Variants in DTWD2 observed in about 807,000 individuals in gnomAD.
DTWD2 encodes the protein DTW motif tRNA-uridine aminocarboxypropyltransferase 2, also known as tRNA-uridine aminocarboxypropyltransferase 2.
A neutral mutation model predicts 31.8 loss-of-function variants in DTWD2; 39 were observed. The observed-to-expected ratio is 1.22, with a 90% CI of 0.95 to 1.60. The LOEUF (loss-of-function observed/expected upper bound fraction) is 1.60. DTWD2 is among the 40% of genes most tolerant of loss of function. DTWD2 has a pLI of 0.00. For synonymous variants in DTWD2, 180 were observed against 142.8 expected, an observed-to-expected ratio of 1.26 and a Z score of -1.86; for missense variants, 515 against 381.5, an observed-to-expected ratio of 1.35 and a Z score of -2.92.
chr5:118,928,535 A>G lies in DTWD2; in HGVS notation c.597+2T>C. On this transcript the variant is annotated splice_donor_variant, in intron 4 of 5. Coordinates refer to ENST00000510708, the MANE Select transcript of DTWD2 (RefSeq NM_173666.4). LOFTEE classifies it high-confidence loss of function. Reference sequence around the variant, plus strand: ...TATTCTCTGTTAAAATTACTAGTTTACCTGTTTGGGATGTCGGAACAAGGA... The same window carrying G: ...TATTCTCTGTTAAAATTACTAGTTTGCCTGTTTGGGATGTCGGAACAAGGA... 1 of 1,488,812 alleles carries G rather than the reference A, an allele frequency of 6.7e-7. No homozygotes were observed. The highest frequency in any genetic ancestry group is 8.9e-7 in the Non-Finnish European group (1 of 1,121,974). 92.2% of individuals were successfully genotyped at this position (1,488,812 alleles called of 1,614,324 possible).
intron 4 of DTWD2, among the ~76,000 whole-genome samples, chr5:118,912,617 T>C (rs1401073616): frequency 1.3e-5 from 2 of 151,724 alleles, no homozygotes; most frequent in African/African-American, 4.9e-5. Flanking sequence ...TTCTGCCTCA[T>C]CTTTCAAGAC....
intron 4 of DTWD2, among the ~76,000 whole-genome samples, chr5:118,911,703 C>A (rs757741983): frequency 5.9e-5 from 9 of 152,132 alleles, no homozygotes; most frequent in Non-Finnish European, 1.2e-4. Context: ...TAATATTATT[C>A]AGCCTTAAAA....
intron 4 of DTWD2, among the ~76,000 whole-genome samples, chr5:118,868,814 A>C (rs182879311): frequency 1.0e-3 from 149 of 148,840 alleles, no homozygotes; most frequent in Middle Eastern, 3.4e-3. Context: ...TCCAGCCTGA[A>C]TGAGAGATCA....
rs145077187 is a variant in DTWD2, at chr5:118,840,581, G to A, written c.*336C>T. On this transcript the variant is annotated 3_prime_UTR_variant, in exon 6 of 6. Transcript: ENST00000510708. Reference sequence around the variant, plus strand: ...TATAAACATTAATGGACACAACACCGTTCCAATCCACTACAACAATTTTCT... The same window carrying A: ...TATAAACATTAATGGACACAACACCATTCCAATCCACTACAACAATTTTCT... The A allele has an allele frequency of 5.6e-5, 10 of 178,854 alleles. No homozygotes were observed. The highest frequency in any genetic ancestry group is 2.1e-4 in the African/African-American group (9 of 41,898). 11.1% of individuals were successfully genotyped at this position (178,854 alleles called of 1,614,324 possible).
At chr5:118,967,665 C>T (rs1003720753) in intron 1 of DTWD2, among the ~76,000 whole-genome samples, 2 of 151,986 alleles carry the variant, frequency 1.3e-5, no homozygotes, top group African/African-American at 4.8e-5. Flanking sequence ...AATAAATATC[C>T]ATAATTCCAT....
intron 3 of DTWD2, among the ~76,000 whole-genome samples, chr5:118,936,675 G>A (rs1460117791): frequency 6.6e-6 from 1 of 150,810 alleles, no homozygotes; most frequent in Non-Finnish European, 1.5e-5. Flanking sequence ...TTATATGAAT[G>A]AACAAAAAGT....
chr5:118,882,827 T>C (rs375828765), intron 4 of DTWD2, among the ~76,000 whole-genome samples: 8 of 152,194 alleles, frequency 5.3e-5, no homozygotes, highest in Admixed American at 4.6e-4. Context: ...AAACCATTCA[T>C]AGGAAAGTCT....
chr5:118,858,992 A>C (rs1404963240), intron 4 of DTWD2, among the ~76,000 whole-genome samples: 10 of 152,186 alleles, frequency 6.6e-5, no homozygotes, highest in Admixed American at 6.5e-4. Context: ...TGAAGTACAT[A>C]ATGTCTGGTC....
At chr5:118,939,147 A>G in intron 3 of DTWD2, 49 bp downstream of exon 3, 1 of 1,515,488 alleles carries the variant, frequency 6.6e-7, no homozygotes, top group Non-Finnish European at 8.9e-7. Context: ...CCATTTTTTA[A>G]GATCTGTGTA....
chr5:118,933,362 G>T (rs1282995212), intron 3 of DTWD2, among the ~76,000 whole-genome samples: 1 of 152,034 alleles, frequency 6.6e-6, no homozygotes, highest in African/African-American at 2.4e-5. Context: ...GGCATTACAA[G>T]AAAGGAAAAC....
intron 4 of DTWD2, among the ~76,000 whole-genome samples, chr5:118,904,740 T>C (rs1046221864): frequency 1.3e-5 from 2 of 152,100 alleles, no homozygotes; most frequent in East Asian, 3.8e-4. Context: ...TGATAACATG[T>C]GGAGAAAGAA....
At chr5:118,987,111 A>G (rs1755445251) in intron 1 of DTWD2, among the ~76,000 whole-genome samples, 1 of 152,300 alleles carries the variant, frequency 6.6e-6, no homozygotes, top group South Asian at 2.1e-4. Context: ...CCTTTGATTT[A>G]TATTTGAAAC....
chr5:118,875,143 T>G (rs1226587116), intron 4 of DTWD2, among the ~76,000 whole-genome samples: 2 of 152,156 alleles, frequency 1.3e-5, no homozygotes, highest in Non-Finnish European at 2.9e-5. Context: ...AAGATCATTT[T>G]CAAACAAGCA....
chr5:118,854,713 T>G (rs764949221), intron 4 of DTWD2, among the ~76,000 whole-genome samples: 2 of 152,140 alleles, frequency 1.3e-5, no homozygotes, highest in African/African-American at 2.4e-5. Context: ...ATCTTCAAGG[T>G]AGTCAACTCA....
chr5:118,920,009 A>T (rs1753665523), intron 4 of DTWD2, among the ~76,000 whole-genome samples: 1 of 151,986 alleles, frequency 6.6e-6, no homozygotes, highest in African/African-American at 2.4e-5. Flanking sequence ...ATAAAAATAA[A>T]AAAAAAAAGT....
At chr5:118,964,926 C>A (rs1359820389) in intron 1 of DTWD2, among the ~76,000 whole-genome samples, 1 of 152,068 alleles carries the variant, frequency 6.6e-6, no homozygotes, top group Non-Finnish European at 1.5e-5. Flanking sequence ...AGGAGCCCCT[C>A]TGCCCGGCTG....
intron 1 of DTWD2, among the ~76,000 whole-genome samples, chr5:118,973,620 CGG>C (rs1448235382): frequency 8.4e-5 from 2 of 23,678 alleles, no homozygotes; most frequent in African/African-American, 1.9e-4. Flanking sequence ...TCCTTGCTCG[CGG>C]CAGCCTCCTT....
At chr5:118,850,271 A>G (rs1239171925) in intron 4 of DTWD2, among the ~76,000 whole-genome samples, 2 of 144,286 alleles carry the variant, frequency 1.4e-5, no homozygotes, top group African/African-American at 5.1e-5. Context: ...TGAGACCAGC[A>G]TGGCTCACAT....
intron 1 of DTWD2, among the ~76,000 whole-genome samples, chr5:118,960,931 A>C (rs1754691568): frequency 6.6e-6 from 1 of 152,176 alleles, no homozygotes; most frequent in African/African-American, 2.4e-5. Context: ...TTGAGGGTGG[A>C]GGGTGGGAAG....
Sources: allele counts gnomAD v4.1 joint callset (sites outside exome capture counted in the v4.1 genomes callset), GRCh38; gene constraint gnomAD v4.1.1; transcripts MANE v1.5; gene names NCBI Gene and HGNC (gene_info 2026-07-23, HGNC 2026-07-21).